The following XPO6 variants were observed in gnomAD, a reference collection of about 807,000 sequenced individuals.
XPO6 encodes exportin 6, also known as exportin-6.
In XPO6, 3 loss-of-function variants were observed where a neutral mutation model predicts 130.0. The ratio of observed to expected loss-of-function variants is 0.02; its 90% CI spans 0.01 to 0.06. The LOEUF (loss-of-function observed/expected upper bound fraction) is 0.06. XPO6 is among the 10% of genes least tolerant of loss of function. The probability of loss-of-function intolerance (pLI) is 1.00; values close to 1 mark genes in which losing one functional copy is unlikely to be tolerated. For missense variants in XPO6, 970 were observed against 1,393.0 expected (o/e 0.70, Z 4.83); for synonymous variants, 524 against 548.9 (o/e 0.95, Z 0.63).
At chr16:28,119,323 C>T (rs996817992) in intron 14 of XPO6, among the ~76,000 whole-genome samples, 6 of 151,970 alleles carry the variant, frequency 3.9e-5, no homozygotes, top group Non-Finnish European at 2.9e-5. Context: ...CCAGCCTAGA[C>T]ACCATTTTAA....
At chr16:28,107,453 C>T in intron 18 of XPO6, 69 bp downstream of exon 18, 2 of 1,569,934 alleles carry the variant, frequency 1.3e-6, no homozygotes, top group South Asian at 1.1e-5. Flanking sequence ...GTGTGTTCTA[C>T]AGATCTAAGT....
intron 1 of XPO6, among the ~76,000 whole-genome samples, chr16:28,205,241 G>C (rs2044009011): frequency 6.6e-6 from 1 of 152,134 alleles, no homozygotes; most frequent in Non-Finnish European, 1.5e-5. Context: ...TGTGTACATA[G>C]GTATGCATAT....
intron 10 of XPO6, 71 bp downstream of exon 10, chr16:28,135,145 T>A: frequency 7.7e-7 from 1 of 1,292,730 alleles, no homozygotes; most frequent in South Asian, 1.3e-5. Flanking sequence ...GGGCTCTGGG[T>A]TCCAGGTCCC....
At chr16:28,118,832 T>C (rs2087143381) in intron 14 of XPO6, among the ~76,000 whole-genome samples, 1 of 152,188 alleles carries the variant, frequency 6.6e-6, no homozygotes, top group Non-Finnish European at 1.5e-5. Flanking sequence ...CTTCCTTACT[T>C]GCTGACTTGG....
intron 2 of XPO6, among the ~76,000 whole-genome samples, chr16:28,178,038 G>C (rs538903456): frequency 6.6e-6 from 1 of 152,298 alleles, no homozygotes; most frequent in East Asian, 1.9e-4. Context: ...AAGGCAGCAA[G>C]CATTACGGGG....
intron 7 of XPO6, chr16:28,153,850 A>G (rs1287679485): frequency 1.0e-6 from 1 of 985,336 alleles, no homozygotes; most frequent in Non-Finnish European, 1.2e-6. Context: ...AGAGAAAACT[A>G]CTACTCAGAA....
intron 12 of XPO6, among the ~76,000 whole-genome samples, chr16:28,128,961 T>A (rs755435126): frequency 2.0e-4 from 30 of 152,182 alleles, no homozygotes; most frequent in Non-Finnish European, 4.0e-4. Context: ...TCCTATTTTG[T>A]CTAGCAAAGA....
At chr16:28,100,107 C>A (rs1260894001) in intron 23 of XPO6, among the ~76,000 whole-genome samples, 2 of 152,136 alleles carry the variant, frequency 1.3e-5, no homozygotes, top group African/African-American at 4.8e-5. Flanking sequence ...TGTGCCTCAG[C>A]CTCCCAAGCA....
intron 6 of XPO6, among the ~76,000 whole-genome samples, chr16:28,161,571 G>GA (rs879393705): frequency 5.6e-4 from 80 of 141,668 alleles, no homozygotes; most frequent in East Asian, 1.8e-3. Context: ...ATGCTAAAAG[G>GA]AAAAAAAAAA....
intron 12 of XPO6, 97 bp from the exon 13 acceptor site, chr16:28,125,945 G>GCTTTAGATACTA: frequency 6.8e-7 from 1 of 1,479,890 alleles, no homozygotes; most frequent in Non-Finnish European, 9.1e-7. Context: ...AGCAAAACCA[G>GCTTTAGATACTA]CAGCAAAACC....
chr16:28,102,665 G>A (rs2086678320), intron 21 of XPO6, among the ~76,000 whole-genome samples: 1 of 152,090 alleles, frequency 6.6e-6, no homozygotes, highest in South Asian at 2.1e-4. Context: ...TTCAATCCAG[G>A]AGGCAGAGAT....
chr16:28,200,980 T>C (rs556467688), intron 1 of XPO6, among the ~76,000 whole-genome samples: 56 of 152,132 alleles, frequency 3.7e-4, no homozygotes, highest in African/African-American at 1.3e-3. Flanking sequence ...CATTAGCCTC[T>C]TTCACCCCCT....
At chr16:28,112,161 G>A (rs191855577) in intron 16 of XPO6, among the ~76,000 whole-genome samples, 155 bp from the exon 17 acceptor site, 6 of 152,286 alleles carry the variant, frequency 3.9e-5, no homozygotes, top group Non-Finnish European at 8.8e-5. Flanking sequence ...TGGTCCAACT[G>A]GAAGGCAACT....
intron 15 of XPO6, among the ~76,000 whole-genome samples, chr16:28,116,008 T>C (rs748731325): frequency 1.3e-5 from 2 of 152,264 alleles, no homozygotes; most frequent in Non-Finnish European, 2.9e-5. Flanking sequence ...CTTAAGGGAA[T>C]GTTGTGGCTA....
chr16:28,147,461 G>A (rs370000002), intron 8 of XPO6, among the ~76,000 whole-genome samples: 1 of 144,882 alleles, frequency 6.9e-6, no homozygotes, highest in African/African-American at 2.5e-5. Context: ...AAAGAAAAGA[G>A]TGTAACTTAA....
In XPO6 at chr16:28,098,565, G is replaced by C. The variant is rs764776315; in HGVS notation, c.3351C>G (p.Ser1117Arg). Residue 1117 changes from serine (S) to arginine (R), a missense_variant, in exon 24 of 24, where the codon AGC becomes AGG. By Grantham distance (110) the Ser-to-Arg change is moderately radical (BLOSUM62 -1). Around this residue, in one of 4 missense-constraint regions of XPO6, gnomAD observed 936 missense variants for 1,306.8 expected, o/e 0.72. Coordinates refer to ENST00000304658, the MANE Select transcript of XPO6 (RefSeq NM_015171.4). ...DLRYYRLCNDSLPPGTVKL is the reference protein window; with the variant it reads ...DLRYYRLCNDRLPPGTVKL ...AGAGCTTCACAGTGCCAGGGGGCAG[G>C]CTGTCGTTGCAGAGTCTGTAGTAGC... 2 of 1,612,590 alleles carry C rather than the reference G, an allele frequency of 1.2e-6. No homozygotes were observed. The highest frequency in any genetic ancestry group is 1.7e-6 in the Non-Finnish European group (2 of 1,179,080).
In XPO6 at chr16:28,107,518, C is replaced by CT; in HGVS notation, c.2497+3dup. On this transcript the variant is annotated splice_donor_region_variant and intron_variant, in intron 18 of 23. Transcript: ENST00000304658. Reference sequence around the variant, plus strand: ...ACCAGTGGGGCCTCTGGGCCAGCTCCTACCTGACTGATGGATAAAAGCTGG... The same window carrying CT: ...ACCAGTGGGGCCTCTGGGCCAGCTCCTTACCTGACTGATGGATAAAAGCTGG... The CT allele has an allele frequency of 6.2e-7, 1 of 1,614,092 alleles. No individual in the cohort carries two copies. Among genetic ancestry groups the CT allele is most frequent in the South Asian group, 1.1e-5 (1 of 91,076 alleles).
intron 6 of XPO6, among the ~76,000 whole-genome samples, 171 bp from the exon 7 acceptor site, chr16:28,156,698 G>A (rs1384156293): frequency 1.3e-5 from 2 of 151,914 alleles, no homozygotes; most frequent in African/African-American, 4.8e-5. Context: ...ACACTAATTA[G>A]GAAATTTTAA....
chr16:28,125,256 T>C (rs1484826849), intron 13 of XPO6, among the ~76,000 whole-genome samples: 1 of 152,218 alleles, frequency 6.6e-6, no homozygotes, highest in South Asian at 2.1e-4. Flanking sequence ...ACTTGGACAA[T>C]GGAGTTGACT....
Sources: allele counts gnomAD v4.1 joint callset (sites outside exome capture counted in the v4.1 genomes callset), GRCh38; gene constraint gnomAD v4.1.1; regional missense constraint gnomAD v4.1.1; transcripts MANE v1.5; gene names NCBI Gene and HGNC (gene_info 2026-07-23, HGNC 2026-07-21).